The following MON1A variants were observed in gnomAD, a reference collection of about 807,000 sequenced individuals.
The protein encoded by MON1A is MON1 vesicular trafficking associated A.
MON1A carries 29 observed loss-of-function variants against 44.6 expected under a neutral mutation model. The ratio of observed to expected loss-of-function variants is 0.65; its 90% CI spans 0.48 to 0.89. The LOEUF (loss-of-function observed/expected upper bound fraction) is 0.89. MON1A is among the 40% of genes least tolerant of loss of function. MON1A has a pLI of 0.00. For missense variants in MON1A, 615 were observed against 759.6 expected, an observed-to-expected ratio of 0.81 and a Z score of 2.24; for synonymous variants, 275 against 316.4, an observed-to-expected ratio of 0.87 and a Z score of 1.39.
In MON1A at chr3:49,911,820, C is replaced by T. The variant is rs1347999202; in HGVS notation, c.319G>A (p.Asp107Asn). Residue 107 changes from aspartate (D) to asparagine (N), a missense_variant, in exon 3 of 6, where the codon GAC (aspartate) becomes AAC (asparagine). Physicochemically the swap from Asp to Asn is conservative, Grantham distance 23 (BLOSUM62 1). Transcript: ENST00000296473. This position sits in a 1 kb window ranked among gnomAD's most constrained non-coding sequence, Gnocchi z 5.7. Reference sequence around the variant, plus strand: ...CCTGGCAGCATCTCCTCCTGCAGGTCCCGGGCCACACCCGTCAGCTGGGTG... The same window carrying T: ...CCTGGCAGCATCTCCTCCTGCAGGTTCCGGGCCACACCCGTCAGCTGGGTG... ...LSTQLTGVAR[D>N]LQEEMLPGSS... 3 of 1,614,014 alleles carry T rather than the reference C, an allele frequency of 1.9e-6. No individual in the cohort carries two copies. In the South Asian group the frequency reaches 3.3e-5, roughly 18 times the overall value.
chr3:49,924,665 G>C (rs1332030035), intron 1 of MON1A: 1 of 162,824 alleles, frequency 6.1e-6, no homozygotes, highest in Non-Finnish European at 1.4e-5. Flanking sequence ...TTGGGTGCCA[G>C]AGCAGACCCT....
At position 49,911,609 on chromosome 3, in the gene MON1A, GCCT is replaced by G. The variant is rs1399545760; in HGVS notation, c.527_529del (p.Glu176del). The G allele has an allele frequency of 6.2e-7, 1 of 1,614,154 alleles. No individual in the cohort carries two copies. Among genetic ancestry groups the G allele is most frequent in the East Asian group, 2.2e-5 (1 of 44,886 alleles). Reference sequence around the variant, plus strand: ...CATAACACCCATAGTGCTGGAAAGTGCCTCCTCAGACCCATAGCGGGAGTACAC... The same window carrying G: ...CATAACACCCATAGTGCTGGAAAGTGCCTCAGACCCATAGCGGGAGTACAC... On this transcript the variant is annotated inframe_deletion, in exon 3 of 6. Transcript: ENST00000296473. The surrounding 1 kb of genome is among the most constrained non-coding windows in gnomAD (Gnocchi z 5.7).
intron 2 of MON1A, chr3:49,912,250 C>T (rs1445020886): frequency 2.1e-6 from 1 of 470,340 alleles, no homozygotes; most frequent in Non-Finnish European, 3.7e-6. Context: ...TGGCTGGTAT[C>T]TGCCTACCTC....
rs1250412410 is a variant in MON1A, at chr3:49,911,208, A to AGATG, written c.613+317_613+318insCATC. Among the ~76,000 whole-genome samples, 2 of 83,330 alleles carry AGATG rather than the reference A, an allele frequency of 2.4e-5. No individual in the cohort carries two copies. Among genetic ancestry groups the AGATG allele is most frequent in the Admixed American group, 1.1e-4 (1 of 9,208 alleles). The allele number at this position is 83,330 out of a possible 152,430, so 54.7% of individuals were successfully genotyped here. A position where few individuals can be genotyped will look rare whatever the true frequency, so the allele number is the denominator to read the frequency against. On this transcript the variant is annotated intron_variant, in intron 3 of 5. Coordinates refer to ENST00000296473, the MANE Select transcript of MON1A (RefSeq NM_032355.4). The surrounding 1 kb of genome is among the most constrained non-coding windows in gnomAD (Gnocchi z 5.7). ...AGATAGATTAGATAGATAGATAGAT[A>AGATG]GATAGATAGATAGATAGATAGATAG...
At chr3:49,929,558 C>T in intron 1 of MON1A, 51 bp downstream of exon 1, 1 of 1,546,520 alleles carries the variant, frequency 6.5e-7, no homozygotes, top group Non-Finnish European at 8.7e-7. Context: ...AAGATGACAG[C>T]TCTCCAGTCT....
Position 49,910,829 on chromosome 3 carries a change from A to C in MON1A, c.669T>G (p.Ala223=). 1 of 1,609,814 alleles carries C rather than the reference A, an allele frequency of 6.2e-7. No individual in the cohort carries two copies. Among genetic ancestry groups the C allele is most frequent in the Non-Finnish European group, 8.5e-7 (1 of 1,177,588 alleles). The change falls in exon 4 of 6, where the codon GCT becomes GCG. Residue 223 remains alanine (A), a synonymous_variant. Coordinates refer to ENST00000296473, the MANE Select transcript of MON1A (RefSeq NM_032355.4). The surrounding 1 kb of genome is among the most constrained non-coding windows in gnomAD (Gnocchi z 8.0). The part of the protein sequence containing the change: ...RRSPLVLVAV[A]RTRQSAQELA... ...GCTCTTGTGCCGACTGCCGCGTACG[A>C]GCCACCGCCACTAGCACCAGCGGGC...
At chr3:49,922,137 C>CA (rs57221907) in intron 1 of MON1A, among the ~76,000 whole-genome samples, 54 of 134,976 alleles carry the variant, frequency 4.0e-4, no homozygotes, top group Non-Finnish European at 3.8e-4. Context: ...AGCTCTGTCT[C>CA]AAAAAAAAAA....
intron 1 of MON1A, among the ~76,000 whole-genome samples, chr3:49,928,916 T>C (rs2083072071): frequency 6.6e-6 from 1 of 152,102 alleles, no homozygotes; most frequent in Non-Finnish European, 1.5e-5. Context: ...CCAGGCAAAC[T>C]GGTGCAAAGT....
At chr3:49,912,202 A>G (rs1251826952) in intron 2 of MON1A, among the ~76,000 whole-genome samples, 191 bp from the exon 3 acceptor site, 1 of 152,112 alleles carries the variant, frequency 6.6e-6, no homozygotes, top group East Asian at 1.9e-4. Context: ...CTCTCATCGT[A>G]CTGGAAAGAA....
intron 1 of MON1A, among the ~76,000 whole-genome samples, chr3:49,914,828 G>A (rs560836798): frequency 6.7e-5 from 10 of 150,194 alleles, no homozygotes; most frequent in Non-Finnish European, 1.0e-4. Context: ...TTACTGGTGT[G>A]AGCCACTGCG....
intron 1 of MON1A, among the ~76,000 whole-genome samples, chr3:49,921,293 G>A (rs972424549): frequency 6.6e-6 from 1 of 151,250 alleles, no homozygotes; most frequent in Non-Finnish European, 1.5e-5. Flanking sequence ...GAGTAGCTGG[G>A]ACTACAGACG....
At chr3:49,924,091 A>T (rs887281200) in intron 1 of MON1A, 1 of 151,526 alleles carries the variant, frequency 6.6e-6, no homozygotes, top group African/African-American at 2.4e-5. Context: ...CATAGGAAAA[A>T]AAAAAAACAA....
intron 1 of MON1A, among the ~76,000 whole-genome samples, chr3:49,913,981 T>C (rs1286053694): frequency 6.6e-6 from 1 of 152,034 alleles, no homozygotes; most frequent in Non-Finnish European, 1.5e-5. Context: ...TGGAGTGCAA[T>C]GGCACCAACA....
rs958513165 is a variant in MON1A, at chr3:49,927,705, G to A, written c.-14+1904C>T. On this transcript the variant is annotated intron_variant, in intron 1 of 5. Coordinates refer to ENST00000296473, the MANE Select transcript of MON1A (RefSeq NM_032355.4). ...CTCTGGAGTTGCAGGAATAGACAAC[G>A]GGCTCTCTGCTGCTCTTGGAAGTAT... Among the ~76,000 whole-genome samples the A allele has an allele frequency of 8.5e-5, 13 of 152,070 alleles. 1 individual carries two copies. The highest frequency in any genetic ancestry group is 2.0e-4 in the Admixed American group (3 of 15,252).
intron 2 of MON1A, 35 bp from the exon 3 acceptor site, chr3:49,912,046 G>A: frequency 6.5e-7 from 1 of 1,531,250 alleles, no homozygotes; most frequent in Middle Eastern, 1.8e-4. Flanking sequence ...TAGAGGGGTA[G>A]CTAGTGGCAG....
chr3:49,910,523 G>T lies in MON1A; in HGVS notation c.975C>A (p.Ala325=). The change falls in exon 4 of 6, where the codon GCC becomes GCA. Residue 325 remains alanine, a synonymous_variant. Transcript: ENST00000296473. The surrounding 1 kb of genome is among the most constrained non-coding windows in gnomAD (Gnocchi z 8.0). The part of the protein sequence containing the change: ...ARSLVFSILL[A]RNQLVALVRR... Reference sequence around the variant, plus strand: ...GCACGAGTGCCACGAGCTGGTTGCGGGCCAGCAGGATGGAGAAGACCAGGC... The same window carrying T: ...GCACGAGTGCCACGAGCTGGTTGCGTGCCAGCAGGATGGAGAAGACCAGGC... 3 of 1,613,816 alleles carry T rather than the reference G, an allele frequency of 1.9e-6. No individual in the cohort carries two copies. Among genetic ancestry groups the T allele is most frequent in the Non-Finnish European group, 2.5e-6 (3 of 1,179,888 alleles).
At chr3:49,924,743 CTGCCTTGTTCTCT>C (rs1415987889) in intron 1 of MON1A, 3 of 159,404 alleles carry the variant, frequency 1.9e-5, no homozygotes, top group Non-Finnish European at 4.2e-5. Flanking sequence ...ATTGTGGCTT[CTGCCTTGTTCTCT>C]TGGATCATTC....
At position 49,911,190 on chromosome 3, in the gene MON1A, T is replaced by TTAGATAGA. The variant is rs10564221; in HGVS notation, c.614-314_614-307dup. On this transcript the variant is annotated intron_variant, in intron 3 of 5. Coordinates refer to ENST00000296473, the MANE Select transcript of MON1A (RefSeq NM_032355.4). The surrounding 1 kb of genome is among the most constrained non-coding windows in gnomAD (Gnocchi z 5.7). Reference sequence around the variant, plus strand: ...GCTCAGGACCTGGGAGATAGATAGATTAGATAGATAGATAGATAGATAGAT... The same window carrying TTAGATAGA: ...GCTCAGGACCTGGGAGATAGATAGATTAGATAGATAGATAGATAGATAGATAGATAGAT... Among the ~76,000 whole-genome samples the TTAGATAGA allele has an allele frequency of 0.041, 3,958 of 95,492 alleles. 107 individuals are homozygous for TTAGATAGA. Among genetic ancestry groups the TTAGATAGA allele is most frequent in the East Asian group, 0.077 (321 of 4,176 alleles). 62.6% of individuals were successfully genotyped at this position (95,492 alleles called of 152,430 possible).
chr3:49,909,672 G>T lies in MON1A; in HGVS notation c.1380-272C>A. On this transcript the variant is annotated intron_variant, in intron 4 of 5. Transcript: ENST00000296473. The surrounding 1 kb of genome is among the most constrained non-coding windows in gnomAD (Gnocchi z 4.0). The stretch of plus-strand genomic sequence containing the variant: ...TGGAGAGGCCAGGTTGAGTTTAGAT[G>T]TCCAAGACAGAGTGACAGATCTGGA... 2.2e-6 allele frequency: 1 copy of T among 459,390 alleles called. No individual in the cohort carries two copies. Among genetic ancestry groups the T allele is most frequent in the Non-Finnish European group, 3.9e-6 (1 of 257,220 alleles). The allele number at this position is 459,390 out of a possible 1,614,324, so 28.5% of individuals were successfully genotyped here. A position where few individuals can be genotyped will look rare whatever the true frequency, so the allele number is the denominator to read the frequency against.
Sources: allele counts gnomAD v4.1 joint callset (sites outside exome capture counted in the v4.1 genomes callset), GRCh38; gene constraint gnomAD v4.1.1; non-coding constraint Gnocchi (gnomAD v3.1); transcripts MANE v1.5; gene names NCBI Gene and HGNC (gene_info 2026-07-23, HGNC 2026-07-21).